The following ADGRB3 variants were observed in gnomAD, a reference collection of about 807,000 sequenced individuals.
ADGRB3 encodes the protein adhesion G protein-coupled receptor B3, also known as brain-specific angiogenesis inhibitor 3.
Under a neutral mutation model 193.4 loss-of-function variants are expected in ADGRB3, and 37 were observed. The ratio of observed to expected loss-of-function variants is 0.19; its 90% CI spans 0.15 to 0.25. ADGRB3 has a LOEUF of 0.25. Among genes scored for constraint, ADGRB3 ranks in the 10% least tolerant of loss-of-function variants. The pLI, the probability that ADGRB3 is intolerant of heterozygous loss-of-function variation, is 1.00. For synonymous variants in ADGRB3, 690 were observed against 644.2 expected (o/e 1.07, Z -1.08); for missense variants, 1,637 against 1,852.9 (o/e 0.88, Z 2.14).
intron 17 of ADGRB3, among the ~76,000 whole-genome samples, chr6:69,232,246 G>C (rs535678889): frequency 6.6e-6 from 1 of 150,980 alleles, no homozygotes; most frequent in East Asian, 1.9e-4. Context: ...TGATAATAAA[G>C]TTGATTGGTT....
intron 1 of ADGRB3, among the ~76,000 whole-genome samples, chr6:68,636,481 A>AAATAAAT (rs1767957903): frequency 8.0e-6 from 1 of 125,016 alleles, no homozygotes; most frequent in South Asian, 2.7e-4. Flanking sequence ...AATAAATAAA[A>AAATAAAT]CATCCTTGAC....
intron 3 of ADGRB3, among the ~76,000 whole-genome samples, chr6:68,675,532 A>G (rs550462011): frequency 2.6e-4 from 39 of 152,338 alleles, no homozygotes; most frequent in Non-Finnish European, 4.0e-4. Context: ...ACATGAGGGA[A>G]GAGTCTAAAG....
chr6:68,817,772 G>A (rs490653), intron 3 of ADGRB3, among the ~76,000 whole-genome samples: 66,625 of 151,752 alleles, frequency 0.44, 15,292 homozygotes, highest in Middle Eastern at 0.59. Flanking sequence ...TGTGAGTAGC[G>A]TAGGGGCAAC....
chr6:69,318,182 T>G (rs1408644961), intron 20 of ADGRB3, among the ~76,000 whole-genome samples: 1 of 151,434 alleles, frequency 6.6e-6, no homozygotes, highest in Non-Finnish European at 1.5e-5. Flanking sequence ...AATCTAGTAT[T>G]TTACTATTAC....
intron 3 of ADGRB3, among the ~76,000 whole-genome samples, chr6:68,824,126 T>C (rs1331933760): frequency 6.6e-6 from 1 of 152,140 alleles, no homozygotes; most frequent in Non-Finnish European, 1.5e-5. Flanking sequence ...TATTTTCACT[T>C]TGAATATGTC....
intron 3 of ADGRB3, among the ~76,000 whole-genome samples, chr6:68,700,291 T>G (rs912039489): frequency 6.6e-6 from 1 of 152,176 alleles, no homozygotes; most frequent in African/African-American, 2.4e-5. Context: ...TATCAAATAT[T>G]TATACTCCTT....
intron 17 of ADGRB3, among the ~76,000 whole-genome samples, chr6:69,210,479 A>G (rs571316342): frequency 3.9e-5 from 6 of 152,174 alleles, no homozygotes; most frequent in African/African-American, 1.2e-4. Context: ...TCCTTTGGCA[A>G]CGCCCTCACA....
chr6:69,223,254 T>C (rs1269624654), intron 17 of ADGRB3, among the ~76,000 whole-genome samples: 1 of 152,212 alleles, frequency 6.6e-6, no homozygotes, highest in African/African-American at 2.4e-5. Context: ...TTTTGAAGTA[T>C]GATTAACTCA....
At chr6:69,030,956 T>TTC (rs746281020) in intron 13 of ADGRB3, among the ~76,000 whole-genome samples, 9 of 72,426 alleles carry the variant, frequency 1.2e-4, no homozygotes, top group African/African-American at 4.6e-4. Context: ...TTCTTTTCTT[T>TTC]TTTTCTTTTC....
chr6:69,181,792 A>G (rs1335381173), intron 17 of ADGRB3, among the ~76,000 whole-genome samples: 3 of 152,152 alleles, frequency 2.0e-5, no homozygotes, highest in Non-Finnish European at 4.4e-5. Context: ...TCATAGTACT[A>G]TATTTGTACT....
At chr6:69,324,460 C>G (rs1474897295) in intron 20 of ADGRB3, among the ~76,000 whole-genome samples, 2 of 151,928 alleles carry the variant, frequency 1.3e-5, no homozygotes, top group Non-Finnish European at 2.9e-5. Flanking sequence ...GATAAAACAA[C>G]AAAGAACGAT....
chr6:69,200,574 T>C (rs529230960), intron 17 of ADGRB3, among the ~76,000 whole-genome samples: 1 of 152,272 alleles, frequency 6.6e-6, no homozygotes, highest in South Asian at 2.1e-4. Context: ...TTTACTTGAC[T>C]AAAGGTTCTG....
intron 17 of ADGRB3, among the ~76,000 whole-genome samples, chr6:69,085,729 A>G (rs1005776841): frequency 6.6e-6 from 1 of 151,992 alleles, no homozygotes; most frequent in Admixed American, 6.6e-5. Flanking sequence ...CTCAGTAATT[A>G]AAGGTACCTA....
intron 15 of ADGRB3, among the ~76,000 whole-genome samples, chr6:69,052,948 G>A (rs1582424675): frequency 6.6e-6 from 1 of 152,344 alleles, no homozygotes; most frequent in Non-Finnish European, 1.5e-5. Context: ...CACTTTGGGA[G>A]GCCGAGGCGG....
chr6:68,893,943 T>C (rs1260374685), intron 3 of ADGRB3, among the ~76,000 whole-genome samples: 2 of 151,874 alleles, frequency 1.3e-5, no homozygotes, highest in African/African-American at 4.8e-5. Context: ...TTGAAAAGCA[T>C]AAAATTTCTT....
chr6:69,339,983 C>T (rs1217965198), intron 26 of ADGRB3, among the ~76,000 whole-genome samples: 1 of 152,090 alleles, frequency 6.6e-6, no homozygotes, highest in East Asian at 1.9e-4. Flanking sequence ...AAGATGAATG[C>T]TTAGATCTTT....
chr6:69,219,460 C>CGT (rs943685062), intron 17 of ADGRB3, among the ~76,000 whole-genome samples: 3,986 of 54,800 alleles, frequency 0.073, 149 homozygotes, highest in Middle Eastern at 0.19. Context: ...TACACACACA[C>CGT]GTATATATAT....
chr6:68,951,847 A>G (rs180819663), intron 6 of ADGRB3, among the ~76,000 whole-genome samples: 2 of 152,210 alleles, frequency 1.3e-5, no homozygotes, highest in East Asian at 3.9e-4. Context: ...TGTCTCTACT[A>G]CCTCGCTGCT....
intron 13 of ADGRB3, among the ~76,000 whole-genome samples, chr6:69,046,995 C>G (rs1367220050): frequency 6.6e-6 from 1 of 152,032 alleles, no homozygotes; most frequent in Non-Finnish European, 1.5e-5. Flanking sequence ...GTAGCTGGGA[C>G]TACAGATGCC....
Sources: gnomAD v4.1 joint callset for allele counts (sites outside exome capture counted in the v4.1 genomes callset) on GRCh38, gnomAD v4.1.1 for gene constraint, MANE v1.5 for transcripts, NCBI Gene and HGNC (gene_info 2026-07-23, HGNC 2026-07-21) for gene names.